The following ARHGEF3 variants were observed in gnomAD, a reference collection of about 807,000 sequenced individuals.
ARHGEF3 encodes 59.8 kDA protein.
A neutral mutation model predicts 63.2 loss-of-function variants in ARHGEF3; 28 were observed. The observed-to-expected ratio is 0.44, with a 90% CI of 0.33 to 0.61. The LOEUF is 0.61. Among genes scored for constraint, ARHGEF3 ranks in the 20% least tolerant of loss-of-function variants. ARHGEF3 has a pLI of 0.03. For missense variants in ARHGEF3, 533 were observed against 659.3 expected (o/e 0.81, Z 2.10); for synonymous variants, 266 against 254.2 (o/e 1.05, Z -0.44).
intron 2 of ARHGEF3, among the ~76,000 whole-genome samples, chr3:56,965,893 C>T (rs1327213033): frequency 2.0e-5 from 3 of 152,020 alleles, no homozygotes; most frequent in South Asian, 4.2e-4. Flanking sequence ...CATGATCCAC[C>T]TGGCTCGGCC....
chr3:57,027,352 G>A (rs915663066), intron 2 of ARHGEF3, among the ~76,000 whole-genome samples: 7 of 152,200 alleles, frequency 4.6e-5, no homozygotes, highest in African/African-American at 1.7e-4. Context: ...TTAGGAACAT[G>A]CTGATTGGCT....
chr3:56,832,062 G>C (rs2038950547), intron 4 of ARHGEF3, among the ~76,000 whole-genome samples: 1 of 151,208 alleles, frequency 6.6e-6, no homozygotes, highest in Admixed American at 6.7e-5. Flanking sequence ...CAGAAAGACT[G>C]CACAAACTAG....
intron 3 of ARHGEF3, among the ~76,000 whole-genome samples, chr3:56,925,933 A>G (rs2042263464): frequency 6.6e-6 from 1 of 152,248 alleles, no homozygotes; most frequent in African/African-American, 2.4e-5. Flanking sequence ...GCAGACTGAC[A>G]TGTGTAAAGA....
chr3:56,927,740 A>G lies in ARHGEF3; in HGVS notation c.129+31083T>C, dbSNP rs150559041. ...AGGTGGTACCGCATATGAGCTGCAGAGTTGGGAAAGTCATTTGACCCATAA... is the reference window on the plus strand; with the variant it reads ...AGGTGGTACCGCATATGAGCTGCAGGGTTGGGAAAGTCATTTGACCCATAA... On this transcript the variant is annotated intron_variant, in intron 3 of 12. Coordinates refer to the ARHGEF3 transcript ENST00000338458. Among the ~76,000 whole-genome samples, 73 of 152,286 alleles carry G rather than the reference A, an allele frequency of 4.8e-4. 1 individual carries two copies. The highest frequency in any genetic ancestry group is 1.6e-3 in the African/African-American group (66 of 41,548).
chr3:57,076,186 C>A (rs564671896), intron 1 of ARHGEF3, among the ~76,000 whole-genome samples: 3 of 152,094 alleles, frequency 2.0e-5, no homozygotes, highest in Admixed American at 2.0e-4. Flanking sequence ...AGCCCCTACC[C>A]ACCCCCACCT....
chr3:56,761,248 A>G (rs1018581993), intron 2 of ARHGEF3, among the ~76,000 whole-genome samples: 1 of 152,196 alleles, frequency 6.6e-6, no homozygotes, highest in African/African-American at 2.4e-5. Flanking sequence ...CACTGACCAC[A>G]TACCATGAGC....
At chr3:57,016,767 T>TC (rs1170969458) in intron 2 of ARHGEF3, among the ~76,000 whole-genome samples, 4 of 151,956 alleles carry the variant, frequency 2.6e-5, no homozygotes, top group East Asian at 1.9e-4. Context: ...TTGCTCTTGG[T>TC]CCCCCCCAGG....
In ARHGEF3 at chr3:57,011,572, G is replaced by A. The variant is rs557334925; in HGVS notation, c.62+23516C>T. Among the ~76,000 whole-genome samples, 32 of 151,890 alleles carry A rather than the reference G, an allele frequency of 2.1e-4. No homozygotes were observed. The South Asian group carries it at 2.7e-3, about 13-fold the overall frequency. On this transcript the variant is annotated intron_variant, in intron 2 of 12. Coordinates refer to the ARHGEF3 transcript ENST00000338458. ...ACAGGACAGCCCCCCACCTTCCCCC[G>A]CCACCCACAGCAAAGAATTCTCCAA...
intron 2 of ARHGEF3, among the ~76,000 whole-genome samples, chr3:56,987,781 C>A (rs114206020): frequency 0.017 from 2,597 of 152,322 alleles, 76 homozygotes; most frequent in African/African-American, 0.059. Flanking sequence ...AACATGGACA[C>A]CTCAGGGCCT....
At chr3:56,918,123 T>A (rs1560049070) in intron 3 of ARHGEF3, among the ~76,000 whole-genome samples, 2 of 152,126 alleles carry the variant, frequency 1.3e-5, no homozygotes, top group South Asian at 2.1e-4. Flanking sequence ...ACAGGAAGGG[T>A]CCTAAATTTG....
chr3:56,876,066 G>A (rs2040577145), intron 4 of ARHGEF3, among the ~76,000 whole-genome samples: 2 of 152,270 alleles, frequency 1.3e-5, no homozygotes, highest in African/African-American at 4.8e-5. Flanking sequence ...GTGAAATGCG[G>A]GGAGAAGAAA....
intron 2 of ARHGEF3, among the ~76,000 whole-genome samples, chr3:56,992,375 T>TAAAAAAAAAAAAAAAAAAAAAAAAAAAA (rs57740672): frequency 2.2e-5 from 1 of 46,136 alleles, no homozygotes; most frequent in African/African-American, 5.1e-5. Flanking sequence ...AGGATGGCTT[T>TAAAAAAAAAAAAAAAAAAAAAAAAAAAA]AAAAAAAAAA....
intron 4 of ARHGEF3, among the ~76,000 whole-genome samples, chr3:56,880,922 A>C (rs896743341): frequency 6.6e-6 from 1 of 152,226 alleles, no homozygotes; most frequent in African/African-American, 2.4e-5. Context: ...GATTGGAACA[A>C]ACAAACACCA....
intron 4 of ARHGEF3, among the ~76,000 whole-genome samples, chr3:56,808,472 C>A (rs1327384675): frequency 6.6e-6 from 1 of 152,038 alleles, no homozygotes; most frequent in Non-Finnish European, 1.5e-5. Flanking sequence ...TGCCTATGGT[C>A]CCAGCTACTT....
rs917819335 is a variant in ARHGEF3 at position 56,985,239 on chromosome 3, C to A, written c.63-26350G>T. ...AAGTAGCTGGGACTATAGGTGCCCG[C>A]CACCATGACCAGCTAATTTTTGTAT... On this transcript the variant is annotated intron_variant, in intron 2 of 12. Coordinates refer to the ARHGEF3 transcript ENST00000338458. Among the ~76,000 whole-genome samples the A allele has an allele frequency of 2.0e-5, 3 of 152,330 alleles. No homozygotes were observed. In the East Asian group the frequency reaches 5.8e-4, roughly 29 times the overall value.
At chr3:56,827,752 CAAAAAAAAAA>C (rs35949919) in intron 4 of ARHGEF3, among the ~76,000 whole-genome samples, 2 of 68,420 alleles carry the variant, frequency 2.9e-5, no homozygotes, top group Non-Finnish European at 4.9e-5. Context: ...CCTGTCTCTA[CAAAAAAAAAA>C]AAAAAAAAAA....
intron 1 of ARHGEF3, among the ~76,000 whole-genome samples, chr3:56,776,372 C>G (rs1239933201): frequency 6.6e-6 from 1 of 152,206 alleles, no homozygotes; most frequent in Non-Finnish European, 1.5e-5. Flanking sequence ...GGCAATCTGA[C>G]ATTCCCAAGT....
chr3:56,910,842 G>C (rs1336309596), intron 3 of ARHGEF3, among the ~76,000 whole-genome samples: 1 of 152,138 alleles, frequency 6.6e-6, no homozygotes, highest in African/African-American at 2.4e-5. Flanking sequence ...GCTGTTTGAA[G>C]CGCTTCACAG....
Position 56,755,160 on chromosome 3 carries a change from T to C in ARHGEF3, c.205-9A>G, listed in dbSNP as rs1241166425. 6.2e-7 allele frequency: 1 copy of C among 1,611,624 alleles called. No homozygotes were observed. ...CGGAAGCTAATGGAGCGCTAAACAA[T>C]GAGAAAAACAAACCATCACGGGGGC... is the stretch of plus-strand genomic sequence containing the variant. On this transcript the variant is annotated splice_polypyrimidine_tract_variant and intron_variant, in intron 2 of 9. Coordinates refer to ENST00000296315, the MANE Select transcript of ARHGEF3 (RefSeq NM_019555.3).
Sources: allele counts gnomAD v4.1 joint callset (sites outside exome capture counted in the v4.1 genomes callset), GRCh38; gene constraint gnomAD v4.1.1; transcripts MANE v1.5; gene names NCBI Gene and HGNC (gene_info 2026-07-23, HGNC 2026-07-21).